The following LRBA variants were observed in gnomAD, a reference collection of about 807,000 sequenced individuals.
LRBA encodes LPS responsive beige-like anchor protein.
Under a neutral mutation model 330.0 loss-of-function variants are expected in LRBA, and 176 were observed. The observed-to-expected ratio is 0.53, with a 90% CI of 0.47 to 0.60. The LOEUF (loss-of-function observed/expected upper bound fraction) is 0.60. LRBA is among the 20% of genes least tolerant of loss of function. The probability of loss-of-function intolerance (pLI) is 0.00; values close to 1 mark genes in which losing one functional copy is unlikely to be tolerated. For missense variants in LRBA, 3,259 were observed against 3,444.8 expected (o/e 0.95, Z 1.35); for synonymous variants, 1,230 against 1,193.0 (o/e 1.03, Z -0.64).
At chr4:150,877,440 T>C (rs529617189) in intron 17 of LRBA, among the ~76,000 whole-genome samples, 1 of 152,236 alleles carries the variant, frequency 6.6e-6, no homozygotes, top group African/African-American at 2.4e-5. Context: ...AAAAATGGCA[T>C]TGCATAATGA....
intron 44 of LRBA, among the ~76,000 whole-genome samples, chr4:150,444,232 GT>G (rs1752291438): frequency 6.6e-6 from 1 of 151,786 alleles, no homozygotes; most frequent in African/African-American, 2.4e-5. Context: ...TAACTTTTCT[GT>G]TTTTTTCTTT....
At chr4:150,825,608 A>T (rs930285856) in intron 30 of LRBA, among the ~76,000 whole-genome samples, 1 of 152,076 alleles carries the variant, frequency 6.6e-6, no homozygotes, top group Non-Finnish European at 1.5e-5. Flanking sequence ...ATCTCAAATG[A>T]TCCACCCGCC....
intron 56 of LRBA, among the ~76,000 whole-genome samples, chr4:150,270,182 T>C (rs1446824841): frequency 6.6e-6 from 1 of 152,152 alleles, no homozygotes; most frequent in Non-Finnish European, 1.5e-5. Flanking sequence ...TCAAACGGAA[T>C]TGCCATATAA....
chr4:150,721,801 G>A (rs1027555317), intron 36 of LRBA, among the ~76,000 whole-genome samples: 1 of 152,072 alleles, frequency 6.6e-6, no homozygotes, highest in African/African-American at 2.4e-5. Flanking sequence ...ATTTTTGGTA[G>A]AGATGGGGTT....
intron 36 of LRBA, among the ~76,000 whole-genome samples, chr4:150,718,455 A>G (rs907357279): frequency 4.0e-5 from 6 of 150,092 alleles, no homozygotes; most frequent in African/African-American, 1.5e-4. Context: ...CTAAGATATA[A>G]GCTGTCTCAA....
intron 34 of LRBA, among the ~76,000 whole-genome samples, chr4:150,784,170 T>A (rs972815752): frequency 2.6e-5 from 4 of 152,232 alleles, no homozygotes; most frequent in Admixed American, 6.5e-5. Context: ...AATAATTAAA[T>A]CAAGCTAATT....
rs376828068 is a variant in LRBA, at chr4:150,911,830, T to C, written c.1161+2365A>G. Among the ~76,000 whole-genome samples the C allele has an allele frequency of 7.2e-3, 1,091 of 152,304 alleles. 119 individuals are homozygous for C. In the South Asian group the frequency reaches 0.21, roughly 30 times the overall value. On this transcript the variant is annotated intron_variant, in intron 9 of 56. Transcript: ENST00000651943. ...TGAAGCCATCTAGTCCCTGGCTTTC[T>C]TTGTTGAAAAGTTTTTTATTATTGA...
chr4:150,786,763 A>C (rs961359951), intron 34 of LRBA, among the ~76,000 whole-genome samples: 2 of 152,202 alleles, frequency 1.3e-5, no homozygotes, highest in Non-Finnish European at 2.9e-5. Flanking sequence ...CTGAGTACTA[A>C]TAAAACTCCA....
intron 35 of LRBA, among the ~76,000 whole-genome samples, chr4:150,754,295 G>A (rs1320496101): frequency 6.9e-6 from 1 of 144,782 alleles, no homozygotes; most frequent in African/African-American, 2.8e-5. Context: ...ATTAAGGAGA[G>A]AAAATTCTAA....
intron 28 of LRBA, among the ~76,000 whole-genome samples, chr4:150,842,040 C>A (rs916441733): frequency 1.3e-5 from 2 of 152,004 alleles, no homozygotes; most frequent in Non-Finnish European, 2.9e-5. Flanking sequence ...TTTCTTTTTT[C>A]TAAAACTCCT....
At chr4:150,527,037 G>A (rs534814050) in intron 40 of LRBA, among the ~76,000 whole-genome samples, 1 of 150,148 alleles carries the variant, frequency 6.7e-6, no homozygotes, top group Admixed American at 6.6e-5. Flanking sequence ...AAAGAAACTG[G>A]GTTATTTAAT....
chr4:150,645,358 A>G (rs908588380), intron 37 of LRBA, among the ~76,000 whole-genome samples: 3 of 151,920 alleles, frequency 2.0e-5, no homozygotes, highest in Non-Finnish European at 4.4e-5. Flanking sequence ...ACACTGCAGT[A>G]AAGTCATTTA....
At position 150,849,038 on chromosome 4, in the gene LRBA, T is replaced by G. The variant is rs889703881; in HGVS notation, c.4159-40A>C. ...GTTTGACATTTATATATATATATTC[T>G]GAAAAAAAAATTTTACCAGATATAG... On this transcript the variant is annotated intron_variant, in intron 25 of 56. Coordinates refer to ENST00000651943, the MANE Select transcript of LRBA (RefSeq NM_001364905.1). 2.1e-6 allele frequency: 3 copies of G among 1,396,022 alleles called. No individual in the cohort carries two copies. The African/African-American group carries it at 4.4e-5, about 21-fold the overall frequency. The allele number at this position is 1,396,022 out of a possible 1,614,324, so 86.5% of individuals were successfully genotyped here. A position where few individuals can be genotyped will look rare whatever the true frequency, so the allele number is the denominator to read the frequency against.
chr4:150,476,332 G>A (rs749281441), intron 42 of LRBA, among the ~76,000 whole-genome samples: 2 of 152,098 alleles, frequency 1.3e-5, no homozygotes, highest in Non-Finnish European at 2.9e-5. Flanking sequence ...ATGCTTCTCA[G>A]TCCCATGGGA....
intron 28 of LRBA, among the ~76,000 whole-genome samples, chr4:150,833,448 A>G (rs1426718866): frequency 6.6e-6 from 1 of 152,168 alleles, no homozygotes; most frequent in Non-Finnish European, 1.5e-5. Context: ...CCATGGAGAT[A>G]CCACAGGTTT....
chr4:150,826,781 C>T lies in LRBA; in HGVS notation c.5171+1399G>A, dbSNP rs188557705. Among the ~76,000 whole-genome samples, 50 of 152,224 alleles carry T rather than the reference C, an allele frequency of 3.3e-4. No individual in the cohort carries two copies. In the East Asian group the frequency reaches 8.5e-3, roughly 26 times the overall value. ...TCACAAGGACCTTTATGGTTCATTACACATGGCATTCTTAGGAAACAACTG... is the reference window on the plus strand; with the variant it reads ...TCACAAGGACCTTTATGGTTCATTATACATGGCATTCTTAGGAAACAACTG... On this transcript the variant is annotated intron_variant, in intron 30 of 56. Transcript: ENST00000651943.
chr4:150,560,386 T>G (rs1275360188), intron 40 of LRBA, among the ~76,000 whole-genome samples: 2 of 152,084 alleles, frequency 1.3e-5, no homozygotes, highest in Non-Finnish European at 2.9e-5. Context: ...TGAGCCAACA[T>G]TAGTGAAATA....
chr4:150,525,483 C>A (rs747710890), intron 40 of LRBA, among the ~76,000 whole-genome samples: 1 of 152,156 alleles, frequency 6.6e-6, no homozygotes. Flanking sequence ...AACGGCCTAC[C>A]TGCCTCTGAC....
intron 2 of LRBA, among the ~76,000 whole-genome samples, chr4:150,981,776 C>T (rs144908004): frequency 6.6e-6 from 1 of 151,836 alleles, no homozygotes; most frequent in African/African-American, 2.4e-5. Context: ...CTGGCTAACA[C>T]GGCGAAACCC....
Sources: gnomAD v4.1 joint callset for allele counts (sites outside exome capture counted in the v4.1 genomes callset) on GRCh38, gnomAD v4.1.1 for gene constraint, MANE v1.5 for transcripts, NCBI Gene and HGNC (gene_info 2026-07-23, HGNC 2026-07-21) for gene names.